The following ABCC6 variants were observed in gnomAD, a reference collection of about 807,000 sequenced individuals.
The protein encoded by ABCC6 is ATP binding cassette subfamily C member 6.
Under a neutral mutation model 169.5 loss-of-function variants are expected in ABCC6, and 126 were observed. That is an observed-to-expected ratio of 0.74 (90% confidence interval 0.64 to 0.86). ABCC6 has a LOEUF of 0.86. ABCC6 is among the 40% of genes least tolerant of loss of function. ABCC6 has a pLI of 0.00. For synonymous variants in ABCC6, 752 were observed against 814.7 expected, an observed-to-expected ratio of 0.92 and a Z score of 1.31; for missense variants, 1,733 against 1,927.2, an observed-to-expected ratio of 0.90 and a Z score of 1.89.
intron 12 of ABCC6, among the ~76,000 whole-genome samples, chr16:16,189,695 G>A (rs1188843327): frequency 6.6e-6 from 1 of 152,188 alleles, no homozygotes; most frequent in Admixed American, 6.5e-5. Flanking sequence ...TGGGACGACA[G>A]GCATGAGCCA....
chr16:16,164,910 A>T lies in ABCC6; in HGVS notation c.3306+713T>A, dbSNP rs568501946. ...CTGTGTCCTGATGACAACTGGGCCC[A>T]TGCCCCCAAGGAAATATAAGCCATT... On this transcript the variant is annotated intron_variant, in intron 23 of 30. Transcript: ENST00000205557. Among the ~76,000 whole-genome samples the T allele has an allele frequency of 1.8e-4, 28 of 152,340 alleles. No individual in the cohort carries two copies. The South Asian group carries it at 3.9e-3, about 21-fold the overall frequency.
At chr16:16,153,242 T>C (rs2046440818) in intron 29 of ABCC6, among the ~76,000 whole-genome samples, 1 of 152,184 alleles carries the variant, frequency 6.6e-6, no homozygotes, top group Admixed American at 6.5e-5. Flanking sequence ...TATACACCTA[T>C]GTTCATAGTG....
chr16:16,198,252 T>G (rs922103250), intron 9 of ABCC6, 70 bp from the exon 10 acceptor site: 90 of 1,516,606 alleles, frequency 5.9e-5, no homozygotes, highest in Non-Finnish European at 7.2e-5. Flanking sequence ...AGGTGGCTTC[T>G]CCACCCACTG....
At chr16:16,199,457 C>A (rs1163366832) in intron 9 of ABCC6, among the ~76,000 whole-genome samples, 2 of 127,510 alleles carry the variant, frequency 1.6e-5, no homozygotes, top group South Asian at 2.4e-4. Flanking sequence ...TGAGACCTTT[C>A]ATGTGCTTCT....
chr16:16,187,909 AAATAAATAAAT>A (rs2047704118), intron 13 of ABCC6, among the ~76,000 whole-genome samples: 1 of 88,228 alleles, frequency 1.1e-5, no homozygotes, highest in Non-Finnish European at 2.5e-5. Context: ...TAAATAAATT[AAATAAATAAAT>A]AAATAAATAA....
In ABCC6 at chr16:16,203,526, G is replaced by C; in HGVS notation, c.882C>G (p.Ser294Arg). The C allele has an allele frequency of 6.2e-7, 1 of 1,614,022 alleles. No homozygotes were observed. Among genetic ancestry groups the C allele is most frequent in the South Asian group, 1.1e-5 (1 of 91,076 alleles). ...ETEPFLRQEG[S>R]QWRPLLKAIW... ...TGGCCTTCAGCAGTGGGCGCCACTG[G>C]CTCCCTTCTTGCCGTAGGAAGGGCT... is the stretch of plus-strand genomic sequence containing the variant. The change falls in exon 8 of 31, where the codon AGC becomes AGG. Residue 294 changes from serine (S) to arginine (R), a missense_variant. Coordinates refer to ENST00000205557, the MANE Select transcript of ABCC6 (RefSeq NM_001171.6).
intron 23 of ABCC6, among the ~76,000 whole-genome samples, chr16:16,164,129 G>A (rs957611861): frequency 2.0e-5 from 3 of 152,076 alleles, no homozygotes; most frequent in African/African-American, 7.2e-5. Context: ...TGCCTCCCGG[G>A]CTCAAGCAAT....
Position 16,174,017 on chromosome 16 carries a change from G to A in ABCC6, c.2667-613C>T, listed in dbSNP as rs376001278. ...CCTCTGTGCCTCAGTTTCCTCAGCTGTAAAAATAGGAATATTATCTATCTA... is the reference window on the plus strand; with the variant it reads ...CCTCTGTGCCTCAGTTTCCTCAGCTATAAAAATAGGAATATTATCTATCTA... On this transcript the variant is annotated intron_variant, in intron 20 of 30. Transcript: ENST00000205557. Among the ~76,000 whole-genome samples, 98 of 152,230 alleles carry A rather than the reference G, an allele frequency of 6.4e-4. 2 individuals are homozygous for A. In the South Asian group the frequency reaches 0.019, roughly 30 times the overall value.
intron 11 of ABCC6, among the ~76,000 whole-genome samples, chr16:16,191,581 C>A (rs1442708185): frequency 6.6e-6 from 1 of 151,788 alleles, no homozygotes; most frequent in Non-Finnish European, 1.5e-5. Context: ...TCTTTCCCGC[C>A]TTTTCTTTCC....
rs775246845 is a variant in ABCC6, at chr16:16,150,092, G to A, written c.*41C>T. 1 of 1,610,154 alleles carries A rather than the reference G, an allele frequency of 6.2e-7. No homozygotes were observed. Among genetic ancestry groups the A allele is most frequent in the Non-Finnish European group, 8.5e-7 (1 of 1,179,226 alleles). On this transcript the variant is annotated 3_prime_UTR_variant, in exon 31 of 31. Transcript: ENST00000205557. ...ACTTCCATCTCCAGCACTGCAGGCT[G>A]TGCGGGCTGGTCCAACTGGGGTACG...
intron 14 of ABCC6, among the ~76,000 whole-genome samples, chr16:16,186,678 T>A (rs140554581): frequency 2.2e-4 from 33 of 149,324 alleles, no homozygotes; most frequent in Non-Finnish European, 4.3e-4. Context: ...AGCTCAGGGC[T>A]CCCACTGGTT....
At position 16,163,203 on chromosome 16, in the gene ABCC6, T is replaced by C; in HGVS notation, c.3307-11A>G. ...AACCACATACAGGCTCTGAGAAGGA[T>C]GGATGGGAGAGGGAAGAGGAGAAGC... On this transcript the variant is annotated splice_polypyrimidine_tract_variant and intron_variant, in intron 23 of 30. Transcript: ENST00000205557. 6.2e-7 allele frequency: 1 copy of C among 1,612,362 alleles called. No individual in the cohort carries two copies. Among genetic ancestry groups the C allele is most frequent in the African/African-American group, 1.3e-5 (1 of 75,024 alleles).
chr16:16,187,592 C>T (rs965576521), intron 13 of ABCC6, among the ~76,000 whole-genome samples: 10 of 152,182 alleles, frequency 6.6e-5, no homozygotes, highest in Non-Finnish European at 2.9e-5. Flanking sequence ...AGAAAGAGAC[C>T]AGTCGTTAAA....
Position 16,163,186 on chromosome 16 carries a change from A to T in ABCC6, c.3313T>A (p.Tyr1105Asn). 1 of 1,613,270 alleles carries T rather than the reference A, an allele frequency of 6.2e-7. No individual in the cohort carries two copies. Among genetic ancestry groups the T allele is most frequent in the Non-Finnish European group, 8.5e-7 (1 of 1,179,986 alleles). The stretch of plus-strand genomic sequence containing the variant: ...CTCAGCTGGCATGAGCTAACCACAT[A>T]CAGGCTCTGAGAAGGATGGATGGGA... ...FLLYAGFQSL[Y>N]VVSSCQLRRL... Residue 1105 changes from tyrosine (Y) to asparagine (N), a missense_variant, in exon 24 of 31, where the codon TAT (tyrosine) becomes AAT (asparagine). Tyr to Asn is a moderately radical substitution (Grantham distance 143). This residue lies in a region of ABCC6 where 1,601 missense variants were observed against 1,635.5 expected (regional missense o/e 0.98). Transcript: ENST00000205557.
rs981094978 is a variant in ABCC6, at chr16:16,186,911, C to T, written c.1867+213G>A. ...TACACCCAGGATGGTACAAAGTGGGCGCTCAGTGAGTGGTCGCTGAATGGC... is the reference window on the plus strand; with the variant it reads ...TACACCCAGGATGGTACAAAGTGGGTGCTCAGTGAGTGGTCGCTGAATGGC... On this transcript the variant is annotated intron_variant, in intron 14 of 30. Transcript: ENST00000205557. Among the ~76,000 whole-genome samples the T allele has an allele frequency of 1.9e-4, 29 of 152,002 alleles. 1 individual carries two copies. Among genetic ancestry groups the T allele is most frequent in the African/African-American group, 6.3e-4 (26 of 41,374 alleles).
intron 21 of ABCC6, chr16:16,172,990 T>TA (rs1157042959): frequency 4.4e-6 from 2 of 454,188 alleles, no homozygotes; most frequent in Non-Finnish European, 8.1e-6. Context: ...TGCAGTGAGC[T>TA]ATGATTACAT....
intron 25 of ABCC6, among the ~76,000 whole-genome samples, chr16:16,160,684 T>C (rs948463429): frequency 1.4e-5 from 2 of 145,954 alleles, no homozygotes; most frequent in Non-Finnish European, 3.0e-5. Flanking sequence ...TGCATGCTTG[T>C]AGTCCCAGCT....
chr16:16,177,597 G>A lies in ABCC6; in HGVS notation c.2445C>T (p.His815=), dbSNP rs2047321620. ...TTRILVTHAL[H]ILPQADWIIV... is the part of the protein sequence containing the mutation. ...TGATCCAATCAGCCTGGGGCAGGAT[G>A]TGGAGTGCGTGCGTCACGAGAATCC... The change falls in exon 19 of 31, where the codon CAC becomes CAT. Residue 815 remains histidine (H), a synonymous_variant. Coordinates refer to ENST00000205557, the MANE Select transcript of ABCC6 (RefSeq NM_001171.6). 2 of 1,614,140 alleles carry A rather than the reference G, an allele frequency of 1.2e-6. No individual in the cohort carries two copies. The highest frequency in any genetic ancestry group is 1.7e-6 in the Non-Finnish European group (2 of 1,180,054).
At chr16:16,150,910 G>A in intron 29 of ABCC6, 138 bp from the exon 30 acceptor site, 2 of 1,499,138 alleles carry the variant, frequency 1.3e-6, no homozygotes, top group Non-Finnish European at 1.8e-6. Context: ...ATGGGGTCTG[G>A]GGTCTGTGGT....
Sources: gnomAD v4.1 joint callset for allele counts (sites outside exome capture counted in the v4.1 genomes callset) on GRCh38, gnomAD v4.1.1 for gene constraint, gnomAD v4.1.1 regional missense constraint, MANE v1.5 for transcripts, NCBI Gene and HGNC (gene_info 2026-07-23, HGNC 2026-07-21) for gene names.